Variants in PCNX1 observed in about 807,000 individuals in gnomAD.
The protein encoded by PCNX1 is pecanex 1.
PCNX1 carries 78 observed loss-of-function variants against 242.2 expected under a neutral mutation model. That is an observed-to-expected ratio of 0.32 (90% confidence interval 0.27 to 0.39). The LOEUF is 0.39. PCNX1 is among the 10% of genes least tolerant of loss of function. The pLI is 1.00. For missense variants in PCNX1, 2,581 were observed against 2,856.5 expected, an observed-to-expected ratio of 0.90 and a Z score of 2.20; for synonymous variants, 1,024 against 1,032.9, an observed-to-expected ratio of 0.99 and a Z score of 0.17.
intron 8 of PCNX1, 120 bp downstream of exon 8, chr14:70,996,045 T>C: frequency 1.4e-6 from 1 of 710,392 alleles, no homozygotes. Context: ...GAGCACTTTT[T>C]ACATAGGATT....
chr14:70,986,627 G>A (rs2059010096), intron 6 of PCNX1, among the ~76,000 whole-genome samples: 1 of 152,126 alleles, frequency 6.6e-6, no homozygotes, highest in African/African-American at 2.4e-5. Context: ...TTCCTGTTCT[G>A]TATGATTACG....
rs2062576000 is a variant in PCNX1 at position 71,105,137 on chromosome 14, T to C, written c.6096-98T>C. On this transcript the variant is annotated intron_variant, in intron 32 of 35. Transcript: ENST00000304743. ...CATAAAGACTTTAAAAGGTGAACAT[T>C]AGTAGCATTTGCAGTTCAGAATAGC... 4 of 843,158 alleles carry C rather than the reference T, an allele frequency of 4.7e-6. No homozygotes were observed. The East Asian group carries it at 1.0e-4, about 22-fold the overall frequency. The allele number at this position is 843,158 out of a possible 1,614,324, so 52.2% of individuals were successfully genotyped here.
chr14:70,946,954 C>A lies in PCNX1; in HGVS notation c.193C>A (p.Pro65Thr). 1 of 1,613,444 alleles carries A rather than the reference C, an allele frequency of 6.2e-7. No individual in the cohort carries two copies. The highest frequency in any genetic ancestry group is 1.1e-5 in the South Asian group (1 of 91,056). Residue 65 changes from proline to threonine, a missense_variant, in exon 2 of 36, where the codon CCT (proline) becomes ACT (threonine). By Grantham distance (38) the Pro-to-Thr change is conservative. Around this residue, in one of 9 missense-constraint regions of PCNX1, gnomAD observed 1,204 missense variants for 1,216.7 expected, o/e 0.99. Transcript: ENST00000304743. Reference sequence around the variant, plus strand: ...CATGATTATAGTAGCAGTTTATTGTCCTGTGATAGCTGCTGTTTTCATTGT... The same window carrying A: ...CATGATTATAGTAGCAGTTTATTGTACTGTGATAGCTGCTGTTTTCATTGT... ...STMIIVAVYCPVIAAVFIVLK... is the reference protein window; with the variant it reads ...STMIIVAVYCTVIAAVFIVLK...
intron 30 of PCNX1, among the ~76,000 whole-genome samples, chr14:71,095,334 G>A (rs2062246577): frequency 6.6e-6 from 1 of 152,158 alleles, no homozygotes; most frequent in African/African-American, 2.4e-5. Context: ...GTTTGGTACA[G>A]TGGACTGTAA....
intron 1 of PCNX1, among the ~76,000 whole-genome samples, chr14:70,928,693 T>C (rs1369818272): frequency 6.6e-6 from 1 of 152,180 alleles, no homozygotes; most frequent in African/African-American, 2.4e-5. Context: ...TATATTCCTA[T>C]ATAGCCATTC....
intron 2 of PCNX1, among the ~76,000 whole-genome samples, chr14:70,951,319 G>A (rs1442536092): frequency 1.3e-5 from 2 of 151,658 alleles, no homozygotes; most frequent in Non-Finnish European, 2.9e-5. Flanking sequence ...ACTTAGCATT[G>A]TGAGTGACTC....
chr14:70,966,865 A>G (rs551881578), intron 3 of PCNX1, among the ~76,000 whole-genome samples: 1 of 152,336 alleles, frequency 6.6e-6, no homozygotes, highest in East Asian at 1.9e-4. Flanking sequence ...TCTATAACTT[A>G]TGTAGCAGGT....
intron 28 of PCNX1, among the ~76,000 whole-genome samples, chr14:71,087,722 C>A (rs2062028594): frequency 6.6e-6 from 1 of 152,044 alleles, no homozygotes; most frequent in African/African-American, 2.4e-5. Context: ...CCAAGATTTT[C>A]TTTAGTATTA....
At chr14:70,973,064 C>A (rs1267664775) in intron 5 of PCNX1, among the ~76,000 whole-genome samples, 1 of 151,970 alleles carries the variant, frequency 6.6e-6, no homozygotes, top group Non-Finnish European at 1.5e-5. Context: ...CCAGCCTGGG[C>A]AACATGGTGA....
In PCNX1 at chr14:71,108,852, G is replaced by A. The variant is rs147292614; in HGVS notation, c.6550G>A (p.Ala2184Thr). ...QMEPSGQSGLACVQHGLPSSS... is the reference protein window; with the variant it reads ...QMEPSGQSGLTCVQHGLPSSS... ...GGAACCCTCAGGTCAGAGCGGCCTGGCCTGTGTGCAGCACGGCCTGCCTTC... is the reference window on the plus strand; with the variant it reads ...GGAACCCTCAGGTCAGAGCGGCCTGACCTGTGTGCAGCACGGCCTGCCTTC... The change falls in exon 34 of 36, where the codon GCC becomes ACC. Residue 2184 changes from alanine to threonine, a missense_variant. Physicochemically the swap from Ala to Thr is moderately conservative, Grantham distance 58. This residue lies in a region of PCNX1 where 432 missense variants were observed against 433.6 expected (regional missense o/e 1.00). Coordinates refer to ENST00000304743, the MANE Select transcript of PCNX1 (RefSeq NM_014982.3). 3 of 1,614,118 alleles carry A rather than the reference G, an allele frequency of 1.9e-6. No individual in the cohort carries two copies. The African/African-American group carries it at 4.0e-5, about 22-fold the overall frequency.
intron 3 of PCNX1, 83 bp downstream of exon 3, chr14:70,962,414 G>T: frequency 1.4e-6 from 1 of 723,730 alleles, no homozygotes; most frequent in Non-Finnish European, 2.5e-6. Flanking sequence ...TAAGTCGGCT[G>T]ATGTTTTGTC....
intron 1 of PCNX1, among the ~76,000 whole-genome samples, chr14:70,924,077 A>G (rs1452811111): frequency 6.6e-6 from 1 of 151,910 alleles, no homozygotes; most frequent in African/African-American, 2.4e-5. Context: ...CAAAAAGTAC[A>G]AAAAATTACC....
chr14:70,940,969 C>T (rs529027244), intron 1 of PCNX1, among the ~76,000 whole-genome samples: 1 of 152,322 alleles, frequency 6.6e-6, no homozygotes, highest in South Asian at 2.1e-4. Context: ...TGGTTTTCAG[C>T]TCCATCAGGT....
intron 25 of PCNX1, among the ~76,000 whole-genome samples, chr14:71,056,686 T>A (rs574279874): frequency 6.7e-6 from 1 of 149,564 alleles, no homozygotes; most frequent in Non-Finnish European, 1.5e-5. Context: ...TTCTTTTTCT[T>A]TTTTTTTTTG....
intron 29 of PCNX1, 29 bp from the exon 30 acceptor site, chr14:71,089,163 A>T: frequency 6.4e-7 from 1 of 1,564,416 alleles, no homozygotes; most frequent in South Asian, 1.1e-5. Context: ...TTGTCAAAAC[A>T]TGTGAACTTT....
At chr14:70,982,802 G>A (rs1196724634) in intron 6 of PCNX1, among the ~76,000 whole-genome samples, 2 of 152,092 alleles carry the variant, frequency 1.3e-5, no homozygotes, top group Admixed American at 1.3e-4. Flanking sequence ...GTGAAGTTCT[G>A]GGAATCCAAC....
intron 30 of PCNX1, chr14:71,093,523 G>A (rs2062192102): frequency 6.6e-6 from 1 of 152,208 alleles, no homozygotes; most frequent in South Asian, 2.1e-4. Flanking sequence ...GAGTGATTGG[G>A]ATTATTCAAG....
At chr14:71,022,793 A>G (rs1208579185) in intron 12 of PCNX1, among the ~76,000 whole-genome samples, 6 of 152,152 alleles carry the variant, frequency 3.9e-5, no homozygotes, top group African/African-American at 1.2e-4. Flanking sequence ...AATTGTTGTT[A>G]TAAGTGAACC....
intron 8 of PCNX1, among the ~76,000 whole-genome samples, chr14:70,998,870 A>G (rs1566679116): frequency 6.6e-6 from 1 of 150,754 alleles, no homozygotes; most frequent in Non-Finnish European, 1.5e-5. Flanking sequence ...GTGTTGGATG[A>G]GTTTTGGAAG....
Sources: allele counts gnomAD v4.1 joint callset (sites outside exome capture counted in the v4.1 genomes callset), GRCh38; gene constraint gnomAD v4.1.1; regional missense constraint gnomAD v4.1.1; transcripts MANE v1.5; gene names NCBI Gene and HGNC (gene_info 2026-07-23, HGNC 2026-07-21).